RBFOX1: variants seen among roughly 807,000 people sequenced by gnomAD.
RBFOX1 encodes the protein RNA binding protein fox-1 homolog 1.
In RBFOX1, 8 loss-of-function variants were observed where a neutral mutation model predicts 57.7. The observed-to-expected ratio is 0.14, with a 90% CI of 0.08 to 0.25. The LOEUF (loss-of-function observed/expected upper bound fraction) is 0.25. Among genes scored for constraint, RBFOX1 ranks in the 10% least tolerant of loss-of-function variants. The pLI is 1.00. For missense variants in RBFOX1, 611 were observed against 548.5 expected, an observed-to-expected ratio of 1.11 and a Z score of -1.14; for synonymous variants, 326 against 222.4, an observed-to-expected ratio of 1.47 and a Z score of -4.15.
chr16:7,388,046 T>A (rs2097914344), intron 4 of RBFOX1, among the ~76,000 whole-genome samples: 2 of 151,802 alleles, frequency 1.3e-5, no homozygotes. Flanking sequence ...TTGTTTTGCT[T>A]TTTTTTTAAT....
At chr16:6,974,935 A>T (rs1179567225) in intron 3 of RBFOX1, among the ~76,000 whole-genome samples, 2 of 152,078 alleles carry the variant, frequency 1.3e-5, no homozygotes, top group African/African-American at 4.8e-5. Context: ...CTTTTAAAAC[A>T]CTTTTTTAAA....
intron 4 of RBFOX1, among the ~76,000 whole-genome samples, chr16:7,316,882 C>T (rs994645603): frequency 6.6e-6 from 1 of 151,562 alleles, no homozygotes; most frequent in Non-Finnish European, 1.5e-5. Flanking sequence ...GGTAAAGAGA[C>T]ACATAAGGGC....
chr16:6,091,420 T>C (rs1373703593), intron 1 of RBFOX1, among the ~76,000 whole-genome samples: 1 of 152,240 alleles, frequency 6.6e-6, no homozygotes, highest in East Asian at 1.9e-4. Flanking sequence ...GGTCACCAGA[T>C]TTTTAACTCC....
intron 4 of RBFOX1, among the ~76,000 whole-genome samples, chr16:5,998,262 T>G (rs2060524289): frequency 6.6e-6 from 1 of 152,230 alleles, no homozygotes. Context: ...CCCTTAGATC[T>G]CTTTGATAGT....
intron 4 of RBFOX1, among the ~76,000 whole-genome samples, chr16:7,260,296 A>T (rs1452254872): frequency 3.3e-5 from 5 of 152,168 alleles, no homozygotes; most frequent in African/African-American, 1.2e-4. Context: ...GACATGCTTC[A>T]CTTTTGGTTT....
intron 3 of RBFOX1, among the ~76,000 whole-genome samples, chr16:6,852,207 C>T (rs140978111): frequency 1.5e-4 from 23 of 152,256 alleles, no homozygotes; most frequent in African/African-American, 4.3e-4. Context: ...TCTGCTTTCT[C>T]TGGAGTCTAT....
At chr16:5,988,062 C>T (rs1468764896) in intron 4 of RBFOX1, among the ~76,000 whole-genome samples, 1 of 152,186 alleles carries the variant, frequency 6.6e-6, no homozygotes, top group Admixed American at 6.5e-5. Flanking sequence ...GAGTGGCTGT[C>T]TCTACATACA....
In RBFOX1 at chr16:7,473,089, G is replaced by C. The variant is rs372927176; in HGVS notation, c.28-45058G>C. On this transcript the variant is annotated intron_variant, in intron 4 of 15. Coordinates refer to ENST00000550418, the MANE Select transcript of RBFOX1 (RefSeq NM_018723.4). ...AACGATGAATAGCATTAGATTAAAA[G>C]GATCTCCGCTAGGTGCAGTGGCTCA... Among the ~76,000 whole-genome samples, 6 of 152,146 alleles carry C rather than the reference G, an allele frequency of 3.9e-5. No homozygotes were observed. In the East Asian group the frequency reaches 1.2e-3, roughly 29 times the overall value.
chr16:6,090,066 T>C (rs1297040399), intron 1 of RBFOX1: 6 of 152,170 alleles, frequency 3.9e-5, no homozygotes, highest in Non-Finnish European at 8.8e-5. Flanking sequence ...TTTCCTTGCC[T>C]TTTATAGCCA....
chr16:7,402,389 C>T (rs1047007101), intron 4 of RBFOX1, among the ~76,000 whole-genome samples: 1 of 152,180 alleles, frequency 6.6e-6, no homozygotes, highest in Non-Finnish European at 1.5e-5. Flanking sequence ...CATTGTACTT[C>T]TATACAAAGG....
chr16:7,668,105 G>A (rs1322653110), intron 13 of RBFOX1, among the ~76,000 whole-genome samples: 1 of 152,156 alleles, frequency 6.6e-6, no homozygotes. Flanking sequence ...TATCAGAGCA[G>A]GTCAACAACT....
chr16:6,885,746 G>A (rs2063866556), intron 3 of RBFOX1, among the ~76,000 whole-genome samples: 1 of 152,022 alleles, frequency 6.6e-6, no homozygotes, highest in Non-Finnish European at 1.5e-5. Flanking sequence ...TGGACAGGCT[G>A]GTCTCGAACT....
chr16:5,479,481 A>C (rs2151639708), intron 2 of RBFOX1, among the ~76,000 whole-genome samples: 1 of 152,302 alleles, frequency 6.6e-6, no homozygotes, highest in Admixed American at 6.5e-5. Flanking sequence ...CTCCCCGGCC[A>C]GGCATGGTGG....
intron 3 of RBFOX1, among the ~76,000 whole-genome samples, chr16:6,918,844 C>T (rs1235852680): frequency 6.6e-6 from 1 of 152,120 alleles, no homozygotes; most frequent in Non-Finnish European, 1.5e-5. Context: ...TTCAGTGCAA[C>T]ACATTGCAGG....
At chr16:6,370,097 G>A (rs2090202500) in intron 2 of RBFOX1, among the ~76,000 whole-genome samples, 1 of 152,110 alleles carries the variant, frequency 6.6e-6, no homozygotes, top group African/African-American at 2.4e-5. Context: ...GGTGGCTTAT[G>A]CCTGTAATCC....
At chr16:5,374,218 G>T (rs1024482254) in intron 1 of RBFOX1, among the ~76,000 whole-genome samples, 1 of 152,230 alleles carries the variant, frequency 6.6e-6, no homozygotes, top group South Asian at 2.1e-4. Flanking sequence ...AATTACAGGC[G>T]TGAGCCATTG....
intron 1 of RBFOX1, among the ~76,000 whole-genome samples, chr16:6,252,492 G>A (rs989717113): frequency 3.3e-5 from 5 of 151,332 alleles, no homozygotes; most frequent in African/African-American, 9.7e-5. Context: ...GTGGAGATCT[G>A]TTCAGTTCTG....
At chr16:5,369,680 A>G (rs2065811114) in intron 1 of RBFOX1, among the ~76,000 whole-genome samples, 1 of 152,060 alleles carries the variant, frequency 6.6e-6, no homozygotes, top group Non-Finnish European at 1.5e-5. Flanking sequence ...CATATTTCCA[A>G]AGCACACCTG....
intron 3 of RBFOX1, among the ~76,000 whole-genome samples, chr16:6,988,642 G>A (rs139261536): frequency 0.066 from 9,969 of 151,126 alleles, 403 homozygotes; most frequent in South Asian, 0.17. Context: ...GTGCGATCTC[G>A]GCTCACTACA....
Sources: allele counts gnomAD v4.1 joint callset (sites outside exome capture counted in the v4.1 genomes callset), GRCh38; gene constraint gnomAD v4.1.1; transcripts MANE v1.5; gene names NCBI Gene and HGNC (gene_info 2026-07-23, HGNC 2026-07-21).